CSMD3: variants seen among roughly 807,000 people sequenced by gnomAD.
CSMD3 encodes CUB and Sushi multiple domains 3.
A neutral mutation model predicts 435.2 loss-of-function variants in CSMD3; 177 were observed. That is an observed-to-expected ratio of 0.41 (90% CI 0.36 to 0.46). The LOEUF (loss-of-function observed/expected upper bound fraction) is 0.46, where lower values mean the gene tolerates loss of function less well. Ranked by LOEUF, CSMD3 falls within the 20% of genes least tolerant of loss-of-function variation. The pLI is 0.34. For missense variants in CSMD3, 4,265 were observed against 4,504.6 expected, an observed-to-expected ratio of 0.95 and a Z score of 1.52; for synonymous variants, 1,656 against 1,520.5, an observed-to-expected ratio of 1.09 and a Z score of -2.07.
chr8:113,141,119 A>G (rs2091537976), intron 4 of CSMD3, among the ~76,000 whole-genome samples: 2 of 150,968 alleles, frequency 1.3e-5, no homozygotes, highest in African/African-American at 2.4e-5. Flanking sequence ...AGCACAAATT[A>G]CCAACTGTAA....
intron 9 of CSMD3, among the ~76,000 whole-genome samples, chr8:112,926,522 T>C (rs1249423826): frequency 1.3e-5 from 2 of 152,148 alleles, no homozygotes; most frequent in East Asian, 1.9e-4. Context: ...TTTGAAAAAC[T>C]AGAGTTGACC....
intron 13 of CSMD3, among the ~76,000 whole-genome samples, chr8:112,704,607 C>T (rs539652432): frequency 6.6e-5 from 10 of 151,894 alleles, no homozygotes; most frequent in African/African-American, 1.2e-4. Flanking sequence ...TGTGAGTTTC[C>T]GAGAGTTTTA....
chr8:113,003,301 A>C (rs891408684), intron 6 of CSMD3, among the ~76,000 whole-genome samples: 2 of 151,860 alleles, frequency 1.3e-5, no homozygotes, highest in Non-Finnish European at 2.9e-5. Flanking sequence ...TCAGTTACTA[A>C]TTTTTCTTAT....
At chr8:113,428,981 A>AT (rs1754327068) in intron 1 of CSMD3, among the ~76,000 whole-genome samples, 1 of 151,796 alleles carries the variant, frequency 6.6e-6, no homozygotes, top group Admixed American at 6.6e-5. Context: ...AGCAAAGAAA[A>AT]TCTTCATAAT....
At chr8:112,967,842 T>A (rs1252914838) in intron 7 of CSMD3, among the ~76,000 whole-genome samples, 54 of 131,556 alleles carry the variant, frequency 4.1e-4, no homozygotes, top group Non-Finnish European at 7.8e-4. Context: ...GAAAAAAAAA[T>A]TAAAAGAAAA....
intron 3 of CSMD3, among the ~76,000 whole-genome samples, chr8:113,243,877 T>A (rs1012671002): frequency 2.0e-5 from 3 of 152,192 alleles, no homozygotes; most frequent in African/African-American, 7.2e-5. Context: ...AACATGTTTA[T>A]GTGCTTATTG....
At chr8:112,450,352 T>C (rs1371093522) in intron 32 of CSMD3, among the ~76,000 whole-genome samples, 2 of 152,328 alleles carry the variant, frequency 1.3e-5, no homozygotes, top group African/African-American at 2.4e-5. Context: ...GAATGGTGTA[T>C]ATCACAAATA....
At chr8:113,338,175 G>A (rs1434728663) in intron 1 of CSMD3, among the ~76,000 whole-genome samples, 2 of 151,806 alleles carry the variant, frequency 1.3e-5, no homozygotes, top group Non-Finnish European at 2.9e-5. Flanking sequence ...CACATGAAAA[G>A]ATGCTTAAAA....
At chr8:112,313,009 G>A (rs1348230526) in intron 49 of CSMD3, among the ~76,000 whole-genome samples, 1 of 152,086 alleles carries the variant, frequency 6.6e-6, no homozygotes, top group South Asian at 2.1e-4. Flanking sequence ...TTCTGCTATT[G>A]AGCACATATC....
chr8:112,256,199 G>T (rs1428466568), intron 61 of CSMD3, among the ~76,000 whole-genome samples: 1 of 151,968 alleles, frequency 6.6e-6, no homozygotes, highest in Non-Finnish European at 1.5e-5. Flanking sequence ...TAGGAAATCT[G>T]CTTTTATAGG....
chr8:113,179,330 T>G (rs1438987269), intron 3 of CSMD3, among the ~76,000 whole-genome samples: 1 of 151,814 alleles, frequency 6.6e-6, no homozygotes, highest in Admixed American at 6.6e-5. Flanking sequence ...ACATCAAAAT[T>G]AGATGTGATT....
intron 22 of CSMD3, among the ~76,000 whole-genome samples, chr8:112,609,145 T>C (rs1041784337): frequency 4.1e-5 from 5 of 121,094 alleles, no homozygotes; most frequent in African/African-American, 9.7e-5. Flanking sequence ...GAGGTTGCAG[T>C]GAGCCAAAGA....
chr8:112,824,603 C>A (rs1464436386), intron 12 of CSMD3, among the ~76,000 whole-genome samples: 2 of 152,106 alleles, frequency 1.3e-5, no homozygotes, highest in South Asian at 2.1e-4. Flanking sequence ...ATTGAAAATT[C>A]TTTTCTTTAA....
rs1819873921 is a variant in CSMD3 at position 112,292,597 on chromosome 8, G to A, written c.8728C>T (p.Pro2910Ser). 4 of 1,613,738 alleles carry A rather than the reference G, an allele frequency of 2.5e-6. No individual in the cohort carries two copies. The South Asian group carries it at 4.4e-5, about 18-fold the overall frequency. The part of the protein sequence containing the change: ...SCNIGYLMQG[P>S]TKAQCQANRQ... ...TTGGCCTGGCACTGTGCCTTTGTTGGCCCTTGCATAAGATACCCAATATTG... is the reference window on the plus strand; with the variant it reads ...TTGGCCTGGCACTGTGCCTTTGTTGACCCTTGCATAAGATACCCAATATTG... The change falls in exon 55 of 71, where the codon CCA (proline) becomes TCA (serine). Residue 2910 changes from proline (P) to serine (S), a missense_variant. By Grantham distance (74) the Pro-to-Ser change is moderately conservative (BLOSUM62 -1). Transcript: ENST00000297405.
At chr8:112,234,962 A>T (rs1813432219) in intron 67 of CSMD3, among the ~76,000 whole-genome samples, 1 of 152,172 alleles carries the variant, frequency 6.6e-6, no homozygotes, top group Non-Finnish European at 1.5e-5. Context: ...ACAAAGTAGG[A>T]GGTATAAGTA....
chr8:112,572,871 G>A (rs2131298141), intron 24 of CSMD3, among the ~76,000 whole-genome samples: 1 of 152,022 alleles, frequency 6.6e-6, no homozygotes, highest in South Asian at 2.1e-4. Flanking sequence ...TTATATAACG[G>A]TACTAGTAAA....
At chr8:113,077,071 AAGTCC>A (rs1217521925) in intron 5 of CSMD3, among the ~76,000 whole-genome samples, 1 of 152,120 alleles carries the variant, frequency 6.6e-6, no homozygotes, top group Non-Finnish European at 1.5e-5. Flanking sequence ...TGGTGGTTAC[AAGTCC>A]ACAAGTGTGA....
At chr8:113,139,212 A>C (rs1588140714) in intron 4 of CSMD3, among the ~76,000 whole-genome samples, 1 of 151,166 alleles carries the variant, frequency 6.6e-6, no homozygotes, top group South Asian at 2.1e-4. Context: ...AGCAAATAAT[A>C]AAAGTAAAAT....
chr8:112,542,971 G>A (rs1010888968), intron 27 of CSMD3, among the ~76,000 whole-genome samples: 4 of 152,096 alleles, frequency 2.6e-5, no homozygotes, highest in Non-Finnish European at 5.9e-5. Flanking sequence ...GGACAGTGGT[G>A]GAGGGGTACC....
Sources: gnomAD v4.1 joint callset for allele counts (sites outside exome capture counted in the v4.1 genomes callset) on GRCh38, gnomAD v4.1.1 for gene constraint, MANE v1.5 for transcripts, NCBI Gene and HGNC (gene_info 2026-07-23, HGNC 2026-07-21) for gene names.